FNDC3A: variants seen among roughly 807,000 people sequenced by gnomAD.
FNDC3A encodes fibronectin type-III domain-containing protein 3A.
FNDC3A carries 32 observed loss-of-function variants against 148.9 expected under a neutral mutation model. The observed-to-expected ratio is 0.21, with a 90% CI of 0.16 to 0.29. The LOEUF (loss-of-function observed/expected upper bound fraction) is 0.29, where lower values mean the gene tolerates loss of function less well. FNDC3A is among the 10% of genes least tolerant of loss of function. The pLI is 1.00. For missense variants in FNDC3A, 1,191 were observed against 1,452.8 expected, an observed-to-expected ratio of 0.82 and a Z score of 2.93; for synonymous variants, 472 against 473.6, an observed-to-expected ratio of 1.00 and a Z score of 0.04.
chr13:48,990,242 A>C (rs1235945680), intron 1 of FNDC3A, among the ~76,000 whole-genome samples: 7 of 152,080 alleles, frequency 4.6e-5, no homozygotes, highest in African/African-American at 1.4e-4. Context: ...AAAGATTTCA[A>C]ATATACAAAA....
At chr13:49,013,137 G>A (rs565921699) in intron 2 of FNDC3A, among the ~76,000 whole-genome samples, 1 of 152,120 alleles carries the variant, frequency 6.6e-6, no homozygotes, top group East Asian at 1.9e-4. Flanking sequence ...GCAACATATA[G>A]TAAGACTTCA....
intron 1 of FNDC3A, among the ~76,000 whole-genome samples, chr13:48,994,139 T>TTTTAAGGACTGATA (rs1951976366): frequency 6.6e-6 from 1 of 152,204 alleles, no homozygotes; most frequent in Non-Finnish European, 1.5e-5. Context: ...TTAAAGTCAC[T>TTTTAAGGACTGATA]TTTAAGGACT....
intron 8 of FNDC3A, among the ~76,000 whole-genome samples, chr13:49,150,576 A>G (rs1883231666): frequency 6.6e-6 from 1 of 152,048 alleles, no homozygotes. Flanking sequence ...CACAGTTTCC[A>G]GAGTTCCTCT....
At chr13:49,015,943 G>C (rs1031442585) in intron 2 of FNDC3A, among the ~76,000 whole-genome samples, 5 of 151,596 alleles carry the variant, frequency 3.3e-5, no homozygotes, top group Non-Finnish European at 7.4e-5. Context: ...TTGCATCCCA[G>C]GGATGAAGCC....
intron 7 of FNDC3A, among the ~76,000 whole-genome samples, chr13:49,140,335 CATAA>C (rs1445705118): frequency 6.6e-6 from 1 of 151,882 alleles, no homozygotes. Context: ...GAACCTGTCT[CATAA>C]ATAAATAAAT....
At chr13:49,159,616 C>T (rs1883959318) in intron 8 of FNDC3A, among the ~76,000 whole-genome samples, 1 of 152,168 alleles carries the variant, frequency 6.6e-6, no homozygotes, top group African/African-American at 2.4e-5. Flanking sequence ...TTATTTCTTT[C>T]TCCTGCCTGA....
intron 2 of FNDC3A, among the ~76,000 whole-genome samples, chr13:49,071,830 T>TTGTC (rs1017780868): frequency 2.0e-5 from 3 of 151,888 alleles, no homozygotes; most frequent in Admixed American, 6.6e-5. Context: ...ATTCTATGGG[T>TTGTC]TGTCTCTTCA....
At chr13:49,025,128 G>A (rs1006333654) in intron 2 of FNDC3A, among the ~76,000 whole-genome samples, 1 of 151,742 alleles carries the variant, frequency 6.6e-6, no homozygotes, top group Non-Finnish European at 1.5e-5. Flanking sequence ...TTTTGGAATT[G>A]AAATACAATT....
intron 2 of FNDC3A, among the ~76,000 whole-genome samples, chr13:49,019,170 C>G (rs1873087258): frequency 6.6e-6 from 1 of 152,258 alleles, no homozygotes; most frequent in South Asian, 2.1e-4. Context: ...CCTGAGCAAG[C>G]CTGGGCAATG....
chr13:49,133,183 C>T (rs1022049879), intron 5 of FNDC3A, among the ~76,000 whole-genome samples: 6 of 152,128 alleles, frequency 3.9e-5, no homozygotes, highest in African/African-American at 1.4e-4. Flanking sequence ...TAACAAGCCC[C>T]TAGGAGATGT....
chr13:49,023,785 A>T (rs1302174004), intron 2 of FNDC3A, among the ~76,000 whole-genome samples: 1 of 151,950 alleles, frequency 6.6e-6, no homozygotes. Context: ...AAAAACAAAG[A>T]TGTTTCCCAC....
Position 49,207,299 on chromosome 13 carries a change from A to T in FNDC3A, c.3501A>T (p.Ala1167=). ...DTVESTRTRR[A]LSDEQCAAVI... ...TGGAAAGCACAAGGACCCGACGGGCACTGAGTGACGAGCAGTGTGCTGCCG... is the reference window on the plus strand; with the variant it reads ...TGGAAAGCACAAGGACCCGACGGGCTCTGAGTGACGAGCAGTGTGCTGCCG... The change falls in exon 26 of 26, where the codon GCA becomes GCT. Residue 1167 remains alanine, a synonymous_variant. Coordinates refer to ENST00000492622, the MANE Select transcript of FNDC3A (RefSeq NM_001079673.2). 1.2e-6 allele frequency: 2 copies of T among 1,614,152 alleles called. No homozygotes were observed. Among genetic ancestry groups the T allele is most frequent in the Non-Finnish European group, 1.7e-6 (2 of 1,179,968 alleles).
At chr13:49,202,091 C>A in intron 24 of FNDC3A, 125 bp downstream of exon 24, 1 of 554,258 alleles carries the variant, frequency 1.8e-6, no homozygotes, top group Non-Finnish European at 2.9e-6. Flanking sequence ...TATACAAAAT[C>A]GTATAGGCAA....
chr13:49,139,407 T>A (rs188690553), intron 7 of FNDC3A, among the ~76,000 whole-genome samples: 3 of 152,334 alleles, frequency 2.0e-5, no homozygotes, highest in African/African-American at 7.2e-5. Flanking sequence ...AACTACTCTT[T>A]CCCAACTCTC....
intron 20 of FNDC3A, among the ~76,000 whole-genome samples, chr13:49,197,247 T>A (rs1886199131): frequency 2.0e-5 from 3 of 152,246 alleles, no homozygotes; most frequent in Non-Finnish European, 2.9e-5. Flanking sequence ...ACTGAGATAT[T>A]TCAGCCACTG....
At chr13:49,130,875 T>G (rs1439583949) in intron 4 of FNDC3A, among the ~76,000 whole-genome samples, 1 of 152,024 alleles carries the variant, frequency 6.6e-6, no homozygotes, top group Non-Finnish European at 1.5e-5. Context: ...TTCAAGCAAT[T>G]CTGCCTCAGC....
intron 4 of FNDC3A, among the ~76,000 whole-genome samples, chr13:49,126,684 T>C (rs1397303542): frequency 6.6e-6 from 1 of 152,176 alleles, no homozygotes; most frequent in East Asian, 1.9e-4. Flanking sequence ...GCTCCCTCAC[T>C]TTCTACCTAT....
chr13:49,170,231 A>C (rs1884682903), intron 10 of FNDC3A, among the ~76,000 whole-genome samples: 1 of 152,190 alleles, frequency 6.6e-6, no homozygotes, highest in Non-Finnish European at 1.5e-5. Flanking sequence ...ATAGTATTAT[A>C]TACCTCAGAG....
chr13:49,000,606 A>G (rs1952107722), intron 1 of FNDC3A, among the ~76,000 whole-genome samples: 1 of 152,210 alleles, frequency 6.6e-6, no homozygotes, highest in Admixed American at 6.5e-5. Flanking sequence ...CTTTTCCTGC[A>G]AAATAAGCTA....
Sources: gnomAD v4.1 joint callset for allele counts (sites outside exome capture counted in the v4.1 genomes callset) on GRCh38, gnomAD v4.1.1 for gene constraint, MANE v1.5 for transcripts, NCBI Gene and HGNC (gene_info 2026-07-23, HGNC 2026-07-21) for gene names.